The following BAZ2B variants were observed in gnomAD, a reference collection of about 807,000 sequenced individuals.
The protein encoded by BAZ2B is bromodomain adjacent to zinc finger domain protein 2B.
Under a neutral mutation model 246.0 loss-of-function variants are expected in BAZ2B, and 91 were observed. That is an observed-to-expected ratio of 0.37 (90% CI 0.31 to 0.44). BAZ2B has a LOEUF of 0.44. Among genes scored for constraint, BAZ2B ranks in the 20% least tolerant of loss-of-function variants. The probability of loss-of-function intolerance (pLI) is 1.00; values close to 1 mark genes in which losing one functional copy is unlikely to be tolerated. For missense variants in BAZ2B, 2,332 were observed against 2,533.7 expected (o/e 0.92, Z 1.71); for synonymous variants, 855 against 860.0 (o/e 0.99, Z 0.10).
chr2:159,650,712 C>T, the BAZ2B span, among the ~76,000 whole-genome samples: 1 of 152,136 alleles, frequency 6.6e-6, no homozygotes, highest in African/African-American at 2.4e-5. Flanking sequence ...CCTGTGATAT[C>T]TAGTGACCTT....
chr2:159,438,726 A>C (rs1033790680), intron 7 of BAZ2B, 31 bp from the exon 8 acceptor site: 23 of 1,537,310 alleles, frequency 1.5e-5, no homozygotes, highest in Non-Finnish European at 1.9e-5. Flanking sequence ...GTAAGTTCCT[A>C]ACATCTATTA....
At chr2:159,522,304 G>A (rs888259415) in intron 2 of BAZ2B, among the ~76,000 whole-genome samples, 1 of 152,062 alleles carries the variant, frequency 6.6e-6, no homozygotes, top group Admixed American at 6.6e-5. Context: ...TTTAACTAAA[G>A]AGCTATCTGT....
chr2:159,704,076 C>T, the BAZ2B span, among the ~76,000 whole-genome samples: 4 of 152,178 alleles, frequency 2.6e-5, no homozygotes, highest in African/African-American at 9.7e-5. Context: ...TTCTTCTATA[C>T]TGTCCTTGGT....
chr2:159,337,596 C>T lies in BAZ2B; in HGVS notation c.5631G>A (p.Leu1877=). 6.2e-7 allele frequency: 1 copy of T among 1,614,216 alleles called. No individual in the cohort carries two copies. Among genetic ancestry groups the T allele is most frequent in the African/African-American group, 1.3e-5 (1 of 75,052 alleles). Residue 1877 remains leucine, a synonymous_variant, in exon 32 of 37, where the codon CTG becomes CTA. Transcript: ENST00000392783. ...DNPLDIAVTR[L]ADLERNIERR... is the part of the protein sequence containing the mutation. ...TTTCAATGTTCCGCTCCAAATCAGCCAGCCTGGTTACAGCTATATCTAGGG... is the reference window on the plus strand; with the variant it reads ...TTTCAATGTTCCGCTCCAAATCAGCTAGCCTGGTTACAGCTATATCTAGGG...
rs201017757 is a variant in BAZ2B at position 159,337,583 on chromosome 2, G to A, written c.5644C>T (p.Arg1882Trp). The change falls in exon 32 of 37, where the codon CGG (arginine) becomes TGG (tryptophan). Residue 1882 changes from arginine to tryptophan, a missense_variant. Physicochemically the swap from Arg to Trp is moderately radical, Grantham distance 101. Around this residue, in one of 9 missense-constraint regions of BAZ2B, gnomAD observed 8 missense variants for 26.8 expected, o/e 0.30. Coordinates refer to ENST00000392783, the MANE Select transcript of BAZ2B (RefSeq NM_013450.4). The part of the protein sequence containing the change: ...IAVTRLADLE[R>W]NIERRIEEDI... ...TTCAGATACCTTCTTTCAATGTTCCGCTCCAAATCAGCCAGCCTGGTTACA... is the reference window on the plus strand; with the variant it reads ...TTCAGATACCTTCTTTCAATGTTCCACTCCAAATCAGCCAGCCTGGTTACA... The A allele has an allele frequency of 2.6e-5, 42 of 1,613,988 alleles. No individual in the cohort carries two copies. In the Admixed American group the frequency reaches 3.7e-4, roughly 14 times the overall value.
Position 159,477,826 on chromosome 2 carries a change from G to A in BAZ2B, c.145+749C>T, listed in dbSNP as rs550950997. Among the ~76,000 whole-genome samples the A allele has an allele frequency of 5.9e-5, 9 of 152,180 alleles. No individual in the cohort carries two copies. In the East Asian group the frequency reaches 7.7e-4, roughly 13 times the overall value. ...TAAAGAAAATTGAGGATATTTTCAC[G>A]TTTGAAATAAAGCTCTCCTTAGTTT... is the stretch of plus-strand genomic sequence containing the variant. On this transcript the variant is annotated intron_variant, in intron 3 of 36. Transcript: ENST00000392783.
intron 2 of BAZ2B, among the ~76,000 whole-genome samples, chr2:159,540,425 A>G (rs971483339): frequency 1.3e-5 from 2 of 152,204 alleles, no homozygotes; most frequent in Non-Finnish European, 1.5e-5. Flanking sequence ...TTGGCAGTAT[A>G]TAAGTGGGTT....
intron 16 of BAZ2B, among the ~76,000 whole-genome samples, 187 bp from the exon 17 acceptor site, chr2:159,400,851 T>A (rs374837062): frequency 6.6e-6 from 1 of 152,016 alleles, no homozygotes; most frequent in Non-Finnish European, 1.5e-5. Context: ...CCATCCTGGC[T>A]AACACAGTGA....
rs190412457 is a variant in BAZ2B, at chr2:159,483,593, A to G, written c.-2-4872T>C. Reference sequence around the variant, plus strand: ...GGAGTTCGAGACCAGCCTGGCCAACATGGTGAAACCCTGTCTCTACTAAAA... The same window carrying G: ...GGAGTTCGAGACCAGCCTGGCCAACGTGGTGAAACCCTGTCTCTACTAAAA... On this transcript the variant is annotated intron_variant, in intron 2 of 36. Transcript: ENST00000392783. Among the ~76,000 whole-genome samples, 579 of 152,294 alleles carry G rather than the reference A, an allele frequency of 3.8e-3. 1 individual carries two copies. The highest frequency in any genetic ancestry group is 5.9e-3 in the Non-Finnish European group (404 of 68,024).
intron 34 of BAZ2B, among the ~76,000 whole-genome samples, chr2:159,327,830 C>T (rs996644659): frequency 2.0e-5 from 3 of 152,062 alleles, no homozygotes; most frequent in African/African-American, 7.2e-5. Flanking sequence ...TTGGGAGGCC[C>T]AATGGGGGCG....
chr2:159,404,985 T>G (rs775630116), intron 15 of BAZ2B, 37 bp downstream of exon 15: 1 of 1,612,052 alleles, frequency 6.2e-7, no homozygotes, highest in Non-Finnish European at 8.5e-7. Context: ...TCCCCAGTAC[T>G]GACTCTTCGA....
At chr2:159,574,980 G>C (rs1559812843) in intron 1 of BAZ2B, among the ~76,000 whole-genome samples, 1 of 151,018 alleles carries the variant, frequency 6.6e-6, no homozygotes, top group South Asian at 2.1e-4. Flanking sequence ...AAAAAAAAAA[G>C]AAAAGAAAAG....
At chr2:159,466,389 A>G (rs1490963454) in intron 3 of BAZ2B, among the ~76,000 whole-genome samples, 1 of 152,146 alleles carries the variant, frequency 6.6e-6, no homozygotes, top group African/African-American at 2.4e-5. Flanking sequence ...TTCTTCAATA[A>G]TTGTTTCTTA....
At chr2:159,481,425 A>AAT (rs956365614) in intron 2 of BAZ2B, among the ~76,000 whole-genome samples, 2 of 150,822 alleles carry the variant, frequency 1.3e-5, no homozygotes, top group South Asian at 2.1e-4. Context: ...TATAATAAAA[A>AAT]ATATATATAT....
intron 14 of BAZ2B, among the ~76,000 whole-genome samples, chr2:159,409,464 G>A (rs1553581399): frequency 6.6e-6 from 1 of 152,074 alleles, no homozygotes; most frequent in Non-Finnish European, 1.5e-5. Context: ...ATTCAAACTT[G>A]GTCAGATTTT....
chr2:159,327,955 C>T (rs1024940484), intron 34 of BAZ2B, among the ~76,000 whole-genome samples: 1 of 150,204 alleles, frequency 6.7e-6, no homozygotes, highest in Non-Finnish European at 1.5e-5. Context: ...ATCTCAGCTA[C>T]TTAGGAGGTT....
chr2:159,647,829 G>A, the BAZ2B span, among the ~76,000 whole-genome samples: 1 of 152,148 alleles, frequency 6.6e-6, no homozygotes, highest in South Asian at 2.1e-4. Context: ...TGAAGAGCTA[G>A]CAGCAAACAT....
the BAZ2B span, among the ~76,000 whole-genome samples, chr2:159,655,436 T>C: frequency 6.6e-6 from 1 of 152,212 alleles, no homozygotes; most frequent in African/African-American, 2.4e-5. Flanking sequence ...CTTGCTTCTT[T>C]CAAGAGTTTC....
chr2:159,339,992 G>C (rs2066344445), intron 31 of BAZ2B, among the ~76,000 whole-genome samples: 1 of 152,150 alleles, frequency 6.6e-6, no homozygotes. Flanking sequence ...GAAGAAATAG[G>C]AGAATACATA....
Sources: allele counts gnomAD v4.1 joint callset (sites outside exome capture counted in the v4.1 genomes callset), GRCh38; gene constraint gnomAD v4.1.1; regional missense constraint gnomAD v4.1.1; transcripts MANE v1.5; gene names NCBI Gene and HGNC (gene_info 2026-07-23, HGNC 2026-07-21).